Variants in KIF16B observed in about 807,000 individuals in gnomAD.
KIF16B encodes kinesin family member 16B.
KIF16B carries 98 observed loss-of-function variants against 156.3 expected under a neutral mutation model. The observed-to-expected ratio is 0.63, with a 90% CI of 0.53 to 0.74. The LOEUF (loss-of-function observed/expected upper bound fraction) is 0.74. Ranked by LOEUF, KIF16B falls within the 30% of genes least tolerant of loss-of-function variation. The pLI, the probability that KIF16B is intolerant of heterozygous loss-of-function variation, is 0.00. For synonymous variants in KIF16B, 564 were observed against 583.7 expected, an observed-to-expected ratio of 0.97 and a Z score of 0.49; for missense variants, 1,421 against 1,606.5, an observed-to-expected ratio of 0.88 and a Z score of 1.97.
intron 17 of KIF16B, among the ~76,000 whole-genome samples, chr20:16,387,371 T>C (rs1263146759): frequency 1.3e-5 from 2 of 152,084 alleles, no homozygotes; most frequent in Non-Finnish European, 1.5e-5. Context: ...GGTGGGGAGA[T>C]AGCTCAATGG....
At chr20:16,546,522 G>A (rs2147262570) in intron 1 of KIF16B, among the ~76,000 whole-genome samples, 1 of 152,272 alleles carries the variant, frequency 6.6e-6, no homozygotes, top group Admixed American at 6.5e-5. Context: ...TTCTGGTGTG[G>A]AGATTCACTT....
chr20:16,332,900 C>G (rs899415688), intron 24 of KIF16B, among the ~76,000 whole-genome samples: 1 of 152,082 alleles, frequency 6.6e-6, no homozygotes, highest in Non-Finnish European at 1.5e-5. Context: ...TTAAAAGTAT[C>G]CTCAAATTAA....
intron 12 of KIF16B, among the ~76,000 whole-genome samples, chr20:16,461,164 T>C (rs577514398): frequency 1.3e-5 from 2 of 151,654 alleles, no homozygotes; most frequent in South Asian, 2.1e-4. Context: ...AACACAGGAA[T>C]AAAAAAAGGC....
intron 15 of KIF16B, among the ~76,000 whole-genome samples, chr20:16,417,847 T>G (rs1030126472): frequency 6.6e-5 from 10 of 151,604 alleles, no homozygotes; most frequent in African/African-American, 2.4e-4. Flanking sequence ...AAAGAATTTA[T>G]CAAAAAATAA....
intron 23 of KIF16B, among the ~76,000 whole-genome samples, chr20:16,344,608 C>A (rs1220644194): frequency 6.6e-6 from 1 of 152,188 alleles, no homozygotes; most frequent in East Asian, 1.9e-4. Flanking sequence ...AACAGTCCCC[C>A]AAACTGAGTG....
intron 1 of KIF16B, among the ~76,000 whole-genome samples, chr20:16,547,639 C>T (rs2070465797): frequency 6.6e-6 from 1 of 152,176 alleles, no homozygotes; most frequent in Non-Finnish European, 1.5e-5. Flanking sequence ...TGCTCAGACA[C>T]AGAGAATGCT....
chr20:16,353,368 A>T (rs1262432757), intron 23 of KIF16B, among the ~76,000 whole-genome samples: 1 of 152,236 alleles, frequency 6.6e-6, no homozygotes, highest in Non-Finnish European at 1.5e-5. Context: ...ACCAAAAAGA[A>T]AAAAAATCCC....
chr20:16,535,039 G>T (rs2069904063), intron 1 of KIF16B, among the ~76,000 whole-genome samples: 2 of 151,908 alleles, frequency 1.3e-5, no homozygotes, highest in African/African-American at 2.4e-5. Flanking sequence ...GAAAAACAAT[G>T]TTGGTATTTT....
chr20:16,573,269 A>T lies in KIF16B; in HGVS notation c.7T>A (p.Ser3Thr). ...CGGACCCTCACGGCCACCTTGACCG[A>T]TGCCATCGCTCATCCCGAACCAGCC... MA[S>T]VKVAVRVRPM... The change falls in exon 1 of 26, where the codon TCG (serine) becomes ACG (threonine). Residue 3 changes from serine (S) to threonine (T), a missense_variant. Transcript: ENST00000354981. The T allele has an allele frequency of 6.2e-7, 1 of 1,609,540 alleles. No homozygotes were observed. Among genetic ancestry groups the T allele is most frequent in the Non-Finnish European group, 8.5e-7 (1 of 1,178,878 alleles).
intron 3 of KIF16B, among the ~76,000 whole-genome samples, chr20:16,521,945 A>T: frequency 6.6e-6 from 1 of 152,236 alleles, no homozygotes. Context: ...AAGAAGAAAT[A>T]AAATCCTTTA....
At chr20:16,362,046 G>A (rs757664676) in intron 22 of KIF16B, among the ~76,000 whole-genome samples, 8 of 152,118 alleles carry the variant, frequency 5.3e-5, no homozygotes, top group Non-Finnish European at 1.2e-4. Flanking sequence ...TGATAATGTC[G>A]CAACAACTGC....
At chr20:16,355,846 C>G (rs1209392372) in intron 23 of KIF16B, among the ~76,000 whole-genome samples, 1 of 152,212 alleles carries the variant, frequency 6.6e-6, no homozygotes, top group Non-Finnish European at 1.5e-5. Flanking sequence ...GTAATAGCAG[C>G]AATAGCTACA....
intron 1 of KIF16B, among the ~76,000 whole-genome samples, chr20:16,561,585 C>T (rs1160310544): frequency 6.6e-6 from 1 of 151,882 alleles, no homozygotes; most frequent in East Asian, 1.9e-4. Flanking sequence ...AGTATCTCCC[C>T]CAAGATATTT....
intron 25 of KIF16B, among the ~76,000 whole-genome samples, 184 bp downstream of exon 25, chr20:16,312,151 A>G (rs964248592): frequency 2.6e-5 from 4 of 152,208 alleles, no homozygotes; most frequent in Admixed American, 2.6e-4. Flanking sequence ...GAGGAAGATA[A>G]GGACTTGTAT....
chr20:16,548,011 G>A (rs979069098), intron 1 of KIF16B, among the ~76,000 whole-genome samples: 11 of 152,108 alleles, frequency 7.2e-5, no homozygotes, highest in South Asian at 4.2e-4. Context: ...GAGAATCAGC[G>A]TCCTAATTCT....
At chr20:16,536,942 C>T (rs1047733248) in intron 1 of KIF16B, among the ~76,000 whole-genome samples, 2 of 152,022 alleles carry the variant, frequency 1.3e-5, no homozygotes, top group African/African-American at 4.8e-5. Flanking sequence ...TTACCCCCAA[C>T]CCCCCTACCC....
chr20:16,312,603 G>C (rs1452808266), intron 24 of KIF16B, among the ~76,000 whole-genome samples, 185 bp from the exon 25 acceptor site: 1 of 152,122 alleles, frequency 6.6e-6, no homozygotes, highest in African/African-American at 2.4e-5. Flanking sequence ...GCAACCTTGG[G>C]TCACATTCCC....
chr20:16,401,376 GGACTTGCA>G (rs1399179268), intron 17 of KIF16B, among the ~76,000 whole-genome samples: 1 of 152,048 alleles, frequency 6.6e-6, no homozygotes, highest in Non-Finnish European at 1.5e-5. Flanking sequence ...GCATCCCCTG[GGACTTGCA>G]GTATCCCCTG....
chr20:16,442,233 T>C (rs2066819888), intron 12 of KIF16B, among the ~76,000 whole-genome samples: 1 of 152,110 alleles, frequency 6.6e-6, no homozygotes, highest in African/African-American at 2.4e-5. Context: ...TATTGTATTC[T>C]TGAAAAATGC....
Sources: gnomAD v4.1 joint callset for allele counts (sites outside exome capture counted in the v4.1 genomes callset) on GRCh38, gnomAD v4.1.1 for gene constraint, MANE v1.5 for transcripts, NCBI Gene and HGNC (gene_info 2026-07-23, HGNC 2026-07-21) for gene names.